Variants in ITPRID1 observed in about 807,000 individuals in gnomAD.
The protein encoded by ITPRID1 is ITPR interacting domain containing 1, also known as protein ITPRID1.
Under a neutral mutation model 95.4 loss-of-function variants are expected in ITPRID1, and 96 were observed. The ratio of observed to expected loss-of-function variants is 1.01; its 90% CI spans 0.85 to 1.19. The LOEUF is 1.19. Among genes scored for constraint, ITPRID1 ranks in the 50% most tolerant of loss-of-function variants. The probability of loss-of-function intolerance (pLI) is 0.00; values close to 1 mark genes in which losing one functional copy is unlikely to be tolerated. For synonymous variants in ITPRID1, 510 were observed against 453.6 expected, an observed-to-expected ratio of 1.12 and a Z score of -1.58; for missense variants, 1,339 against 1,252.9, an observed-to-expected ratio of 1.07 and a Z score of -1.04.
intron 11 of ITPRID1, 111 bp downstream of exon 11, chr7:31,642,369 G>T (rs1044155231): frequency 1.3e-6 from 1 of 762,550 alleles, no homozygotes. Flanking sequence ...AAAGAGGGGT[G>T]TTTTAAATCA....
chr7:31,563,910 A>G (rs1268240866), intron 5 of ITPRID1, among the ~76,000 whole-genome samples: 4 of 152,146 alleles, frequency 2.6e-5, no homozygotes, highest in African/African-American at 4.8e-5. Context: ...AAGAACATAG[A>G]TTAATAATTT....
At chr7:31,521,170 A>G (rs1783238048) in intron 1 of ITPRID1, among the ~76,000 whole-genome samples, 1 of 151,562 alleles carries the variant, frequency 6.6e-6, no homozygotes, top group South Asian at 2.1e-4. Context: ...AGAAACTTAG[A>G]CTGTAGATCT....
At chr7:31,648,375 T>C (rs796598965) in intron 12 of ITPRID1, among the ~76,000 whole-genome samples, 53 of 152,302 alleles carry the variant, frequency 3.5e-4, no homozygotes, top group African/African-American at 1.3e-3. Context: ...CACTCTATTT[T>C]TGAGGGTTTT....
At position 31,577,865 on chromosome 7, in the gene ITPRID1, C is replaced by T. The variant is rs1200457375; in HGVS notation, c.601C>T (p.Arg201Cys). The stretch of plus-strand genomic sequence containing the variant: ...TTCGTGTTTCTTGTGTTGTGCAGGT[C>T]GTTTCCGACAGCTGGAAATCCTGGA... Reference protein sequence around the residue: ...MDIENPNLYGRFRQLEILDHV... With the variant: ...MDIENPNLYGCFRQLEILDHV... Residue 201 changes from arginine (R) to cysteine (C), a missense_variant and splice_region_variant, in exon 9 of 15, where the codon CGT (arginine) becomes TGT (cysteine). Physicochemically the swap from Arg to Cys is radical, Grantham distance 180 (BLOSUM62 -3). Coordinates refer to ENST00000615280, the MANE Select transcript of ITPRID1 (RefSeq NM_001257967.3). 1.0e-5 allele frequency: 16 copies of T among 1,584,724 alleles called. No individual in the cohort carries two copies. The highest frequency in any genetic ancestry group is 1.4e-5 in the African/African-American group (1 of 73,822).
rs76989293 is a variant in ITPRID1, at chr7:31,591,744, G to A, written c.1228+8553G>A. Among the ~76,000 whole-genome samples the A allele has an allele frequency of 8.0e-3, 1,216 of 152,236 alleles. 15 individuals carry two copies. The highest frequency in any genetic ancestry group is 0.028 in the African/African-American group (1,172 of 41,544). On this transcript the variant is annotated intron_variant, in intron 10 of 14. Transcript: ENST00000615280. ...GGATCCCATATGGAAAGGGTTAAAAGCAGTTGTCTTTGGGGAATTTTCTTT... is the reference window on the plus strand; with the variant it reads ...GGATCCCATATGGAAAGGGTTAAAAACAGTTGTCTTTGGGGAATTTTCTTT...
intron 13 of ITPRID1, among the ~76,000 whole-genome samples, 161 bp downstream of exon 13, chr7:31,651,430 A>G: frequency 6.6e-6 from 1 of 152,064 alleles, no homozygotes; most frequent in Non-Finnish European, 1.5e-5. Context: ...TCTCAGTGGG[A>G]GTCTGTGAGA....
At chr7:31,639,092 A>G (rs983934804) in intron 10 of ITPRID1, among the ~76,000 whole-genome samples, 1 of 152,012 alleles carries the variant, frequency 6.6e-6, no homozygotes, top group Non-Finnish European at 1.5e-5. Context: ...TTTGATTTTC[A>G]TGTGCCTTGG....
chr7:31,591,261 T>C (rs1468550045), intron 10 of ITPRID1, among the ~76,000 whole-genome samples: 2 of 152,218 alleles, frequency 1.3e-5, no homozygotes, highest in African/African-American at 4.8e-5. Context: ...TTTTTTCTTA[T>C]TATAAAATAA....
intron 10 of ITPRID1, among the ~76,000 whole-genome samples, chr7:31,618,665 T>G (rs993821090): frequency 7.1e-6 from 1 of 140,312 alleles, no homozygotes; most frequent in African/African-American, 3.2e-5. Context: ...ATAATTATAG[T>G]TGAGTATTAG....
At chr7:31,616,332 C>T (rs751568520) in intron 10 of ITPRID1, among the ~76,000 whole-genome samples, 1 of 151,994 alleles carries the variant, frequency 6.6e-6, no homozygotes, top group Non-Finnish European at 1.5e-5. Flanking sequence ...TGAATATATG[C>T]ATATTGGGTC....
At position 31,655,916 on chromosome 7, in the gene ITPRID1, C is replaced by A; in HGVS notation, c.*3087C>A. 1 of 985,466 alleles carries A rather than the reference C, an allele frequency of 1.0e-6. No individual in the cohort carries two copies. The highest frequency in any genetic ancestry group is 1.2e-6 in the Non-Finnish European group (1 of 829,954). The allele number at this position is 985,466 out of a possible 1,614,324, so 61.0% of individuals were successfully genotyped here. A position where few individuals can be genotyped will look rare whatever the true frequency, so the allele number is the denominator to read the frequency against. On this transcript the variant is annotated 3_prime_UTR_variant, in exon 15 of 15. Coordinates refer to ENST00000615280, the MANE Select transcript of ITPRID1 (RefSeq NM_001257967.3). Reference sequence around the variant, plus strand: ...AGGATGTCCCTCACCTGGCAGCCATCTGCTTTACCAGTCTCATTTCCTGCT... The same window carrying A: ...AGGATGTCCCTCACCTGGCAGCCATATGCTTTACCAGTCTCATTTCCTGCT...
chr7:31,601,731 G>A (rs1786401189), intron 10 of ITPRID1, among the ~76,000 whole-genome samples: 1 of 152,190 alleles, frequency 6.6e-6, no homozygotes, highest in South Asian at 2.1e-4. Context: ...TGAGAAGAGG[G>A]ACGAGAGTGC....
chr7:31,567,876 A>G (rs1784854298), intron 5 of ITPRID1, among the ~76,000 whole-genome samples: 1 of 152,196 alleles, frequency 6.6e-6, no homozygotes, highest in Non-Finnish European at 1.5e-5. Flanking sequence ...CTGTAGTCCC[A>G]GGACTTTGGG....
chr7:31,644,084 A>G, intron 12 of ITPRID1, 131 bp downstream of exon 12: 1 of 763,824 alleles, frequency 1.3e-6, no homozygotes. Flanking sequence ...CATGAATAAC[A>G]TTTGTAGAGT....
intron 10 of ITPRID1, among the ~76,000 whole-genome samples, chr7:31,623,110 C>T (rs1037915592): frequency 6.6e-6 from 1 of 152,168 alleles, no homozygotes; most frequent in African/African-American, 2.4e-5. Flanking sequence ...TGGCAATAAT[C>T]AGTAGCTTAC....
intron 12 of ITPRID1, among the ~76,000 whole-genome samples, chr7:31,648,573 C>G (rs1460792488): frequency 6.6e-6 from 1 of 152,094 alleles, no homozygotes; most frequent in Admixed American, 6.6e-5. Flanking sequence ...CCAAAACACC[C>G]CAGTCTTATA....
chr7:31,540,176 A>C (rs1783888352), intron 1 of ITPRID1, among the ~76,000 whole-genome samples: 1 of 152,098 alleles, frequency 6.6e-6, no homozygotes, highest in Non-Finnish European at 1.5e-5. Context: ...CTGTAGGAGT[A>C]ACACCGTCTG....
chr7:31,515,633 T>C (rs1783019647), intron 1 of ITPRID1, among the ~76,000 whole-genome samples: 1 of 152,142 alleles, frequency 6.6e-6, no homozygotes, highest in African/African-American at 2.4e-5. Flanking sequence ...GGACATACCA[T>C]GATGTCCAGT....
At chr7:31,605,747 C>A (rs1218340713) in intron 10 of ITPRID1, among the ~76,000 whole-genome samples, 1 of 152,252 alleles carries the variant, frequency 6.6e-6, no homozygotes, top group Non-Finnish European at 1.5e-5. Flanking sequence ...TGGCATTTTC[C>A]CCTTCTACTC....
Sources: gnomAD v4.1 joint callset for allele counts (sites outside exome capture counted in the v4.1 genomes callset) on GRCh38, gnomAD v4.1.1 for gene constraint, MANE v1.5 for transcripts, NCBI Gene and HGNC (gene_info 2026-07-23, HGNC 2026-07-21) for gene names.